The following RGS6 variants were observed in gnomAD, a reference collection of about 807,000 sequenced individuals.
RGS6 encodes the protein regulator of G protein signaling 6.
In RGS6, 30 loss-of-function variants were observed where a neutral mutation model predicts 78.5. The ratio of observed to expected loss-of-function variants is 0.38; its 90% CI spans 0.29 to 0.52. The LOEUF (loss-of-function observed/expected upper bound fraction) is 0.52. RGS6 is among the 20% of genes least tolerant of loss of function. The probability of loss-of-function intolerance (pLI) is 0.85; values close to 1 mark genes in which losing one functional copy is unlikely to be tolerated. For synonymous variants in RGS6, 206 were observed against 206.0 expected (o/e 1.00, Z 0.00); for missense variants, 495 against 609.7 (o/e 0.81, Z 1.98).
chr14:72,308,720 C>T (rs1025919499), intron 2 of RGS6, among the ~76,000 whole-genome samples: 5 of 152,078 alleles, frequency 3.3e-5, no homozygotes, highest in South Asian at 2.1e-4. Flanking sequence ...AATGTAAGTC[C>T]GGCTCTCAAA....
rs922520926 is a variant in RGS6, at chr14:72,368,641, A to G, written c.184+16447A>G. Among the ~76,000 whole-genome samples the G allele has an allele frequency of 3.9e-5, 6 of 152,252 alleles. No individual in the cohort carries two copies. The East Asian group carries it at 9.6e-4, about 24-fold the overall frequency. On this transcript the variant is annotated intron_variant, in intron 3 of 17. Coordinates refer to ENST00000553525, the MANE Select transcript of RGS6 (RefSeq NM_001204424.2). ...GCTTCAATTCATTCATCCCAATTCT[A>G]TCTCTTTCTCACAAATAGAGAAATA...
At chr14:72,384,649 C>T (rs1001929692) in intron 3 of RGS6, among the ~76,000 whole-genome samples, 3 of 152,090 alleles carry the variant, frequency 2.0e-5, no homozygotes, top group Non-Finnish European at 4.4e-5. Context: ...ATCAGTTCCC[C>T]GAGTGTCAGT....
chr14:72,206,980 T>C lies in RGS6; in HGVS notation c.85-145115T>C, dbSNP rs376312226. Among the ~76,000 whole-genome samples, 4 of 152,344 alleles carry C rather than the reference T, an allele frequency of 2.6e-5. No individual in the cohort carries two copies. The East Asian group carries it at 5.8e-4, about 22-fold the overall frequency. ...ATTTTCTAGAGGGTAGGAGGGTTGC[T>C]TCCTGCTTTGCTGTGTATCCTTGCA... On this transcript the variant is annotated intron_variant, in intron 2 of 17. Transcript: ENST00000553525.
chr14:72,421,258 G>A (rs1438612871), intron 3 of RGS6: 1 of 152,392 alleles, frequency 6.6e-6, no homozygotes, highest in Non-Finnish European at 1.5e-5. Flanking sequence ...GTGATCTGGC[G>A]GGATGGGGTG....
At chr14:72,000,616 G>A (rs1246734786) in intron 2 of RGS6, among the ~76,000 whole-genome samples, 1 of 152,192 alleles carries the variant, frequency 6.6e-6, no homozygotes, top group Non-Finnish European at 1.5e-5. Context: ...CCAGAACTGG[G>A]AGAGGGACAA....
chr14:72,242,375 T>G (rs847259), intron 2 of RGS6, among the ~76,000 whole-genome samples: 46,409 of 152,050 alleles, frequency 0.31, 7,915 homozygotes, highest in South Asian at 0.42. Flanking sequence ...GAGGCTCTGC[T>G]ATAGTCAGAT....
At chr14:72,297,435 T>G (rs117514992) in intron 2 of RGS6, among the ~76,000 whole-genome samples, 2 of 146,164 alleles carry the variant, frequency 1.4e-5, no homozygotes, top group Non-Finnish European at 1.5e-5. Context: ...TATTATTTTT[T>G]TTTTATACTT....
At chr14:72,622,279 A>G in the RGS6 span, among the ~76,000 whole-genome samples, 1 of 152,202 alleles carries the variant, frequency 6.6e-6, no homozygotes, top group African/African-American at 2.4e-5. Flanking sequence ...CACTTGGGGT[A>G]CTCCAACTTT....
chr14:72,273,459 A>G (rs1008890797), intron 2 of RGS6, among the ~76,000 whole-genome samples: 2 of 152,202 alleles, frequency 1.3e-5, no homozygotes, highest in Admixed American at 6.5e-5. Flanking sequence ...CTAACACAGC[A>G]TAAGTGTGGA....
chr14:72,161,391 A>T (rs77739113), intron 2 of RGS6, among the ~76,000 whole-genome samples: 4,538 of 152,268 alleles, frequency 0.03, 94 homozygotes, highest in Middle Eastern at 0.051. Context: ...ATAATAATAA[A>T]AAAAAGCAAT....
chr14:72,299,580 A>G (rs2065617743), intron 2 of RGS6, among the ~76,000 whole-genome samples: 1 of 152,246 alleles, frequency 6.6e-6, no homozygotes, highest in African/African-American at 2.4e-5. Flanking sequence ...TAACTGCACC[A>G]TTTTAGACTT....
intron 1 of RGS6, among the ~76,000 whole-genome samples, chr14:71,948,736 C>CTTTTTTTTT (rs1566889959): frequency 1.9e-5 from 1 of 53,884 alleles, no homozygotes; most frequent in South Asian, 6.2e-4. Flanking sequence ...TTCTCTCTCT[C>CTTTTTTTTT]TCTCTTTTTT....
intron 2 of RGS6, among the ~76,000 whole-genome samples, chr14:72,274,952 C>G (rs1260387797): frequency 6.6e-6 from 1 of 152,212 alleles, no homozygotes; most frequent in Non-Finnish European, 1.5e-5. Flanking sequence ...TCATGATCAA[C>G]TACTTTGGGG....
intron 2 of RGS6, among the ~76,000 whole-genome samples, chr14:72,108,959 C>T (rs2095692479): frequency 6.6e-6 from 1 of 152,016 alleles, no homozygotes; most frequent in African/African-American, 2.4e-5. Context: ...AATTTTCTCT[C>T]CATGCTTTTC....
At chr14:72,319,718 CATAGA>C (rs2071372703) in intron 2 of RGS6, among the ~76,000 whole-genome samples, 2 of 152,042 alleles carry the variant, frequency 1.3e-5, no homozygotes, top group Non-Finnish European at 2.9e-5. Flanking sequence ...CACTGCCGAA[CATAGA>C]ATAGAGGATA....
intron 2 of RGS6, among the ~76,000 whole-genome samples, chr14:72,326,934 C>G (rs970230370): frequency 6.6e-6 from 1 of 152,116 alleles, no homozygotes; most frequent in African/African-American, 2.4e-5. Context: ...GTCTCAATCT[C>G]CTGACCTCGT....
At chr14:72,080,339 G>A (rs1201733866) in intron 2 of RGS6, among the ~76,000 whole-genome samples, 1 of 151,836 alleles carries the variant, frequency 6.6e-6, no homozygotes, top group Non-Finnish European at 1.5e-5. Context: ...TTTGAGAAAT[G>A]TCTATTGAGG....
chr14:72,198,096 C>G (rs985589326), intron 2 of RGS6, among the ~76,000 whole-genome samples: 3 of 152,086 alleles, frequency 2.0e-5, no homozygotes, highest in Non-Finnish European at 4.4e-5. Flanking sequence ...CGCAGCGGCT[C>G]ACACCTGTAA....
chr14:72,551,159 TATC>T (rs1285571184), intron 17 of RGS6, among the ~76,000 whole-genome samples: 1 of 152,116 alleles, frequency 6.6e-6, no homozygotes, highest in Non-Finnish European at 1.5e-5. Flanking sequence ...CTTGAATAGT[TATC>T]ATAGCTGTAG....
Sources: allele counts gnomAD v4.1 joint callset (sites outside exome capture counted in the v4.1 genomes callset), GRCh38; gene constraint gnomAD v4.1.1; transcripts MANE v1.5; gene names NCBI Gene and HGNC (gene_info 2026-07-23, HGNC 2026-07-21).